USP5: variants seen among roughly 807,000 people sequenced by gnomAD.
USP5 encodes the protein ubiquitin carboxyl-terminal hydrolase 5.
Under a neutral mutation model 102.5 loss-of-function variants are expected in USP5, and 24 were observed. The ratio of observed to expected loss-of-function variants is 0.23; its 90% CI spans 0.17 to 0.33. The LOEUF (loss-of-function observed/expected upper bound fraction) is 0.33, where lower values mean the gene tolerates loss of function less well. Among genes scored for constraint, USP5 ranks in the 10% least tolerant of loss-of-function variants. The pLI is 1.00. For synonymous variants in USP5, 460 were observed against 434.8 expected (o/e 1.06, Z -0.72); for missense variants, 753 against 1,122.1 (o/e 0.67, Z 4.70).
At position 6,861,519 on chromosome 12, in the gene USP5, C is replaced by G. The variant is rs374114763; in HGVS notation, c.1575C>G (p.Ala525=). 1 of 1,601,870 alleles carries G rather than the reference C, an allele frequency of 6.2e-7. No individual in the cohort carries two copies. Among genetic ancestry groups the G allele is most frequent in the Non-Finnish European group, 8.5e-7 (1 of 1,170,134 alleles). Residue 525 remains alanine (A), a synonymous_variant, in exon 13 of 20, where the codon GCC becomes GCG. Transcript: ENST00000229268. This position sits in a 1 kb window ranked among gnomAD's most constrained non-coding sequence, Gnocchi z 4.9. ...TGGCACTGCCAGAACTGGTTCGGGCCCAGGTGCCCTTCAGCTCTTGCCTGG... is the reference window on the plus strand; with the variant it reads ...TGGCACTGCCAGAACTGGTTCGGGCGCAGGTGCCCTTCAGCTCTTGCCTGG... ...EKMALPELVR[A]QVPFSSCLEA...
Position 6,863,691 on chromosome 12 carries a change from G to T in USP5, c.1955-139G>T. ...CACATTACAATTGTGTGGTCATTTT[G>T]GTTTTGGGATAAGGTGCCAATCCAT... On this transcript the variant is annotated intron_variant, in intron 15 of 19. Coordinates refer to ENST00000229268, the MANE Select transcript of USP5 (RefSeq NM_001098536.2). This position sits in a 1 kb window ranked among gnomAD's most constrained non-coding sequence, Gnocchi z 4.7. 8.2e-7 allele frequency: 1 copy of T among 1,224,314 alleles called. No individual in the cohort carries two copies. Among genetic ancestry groups the T allele is most frequent in the Non-Finnish European group, 1.1e-6 (1 of 892,226 alleles). 75.8% of individuals were successfully genotyped at this position (1,224,314 alleles called of 1,614,324 possible).
Position 6,863,763 on chromosome 12 carries a change from G to T in USP5, c.1955-67G>T. ...GGTGATTGGAAGAGGGCTGGGTCCT[G>T]GGGGAGGGAGGAGGAGCAAACAGTG... On this transcript the variant is annotated intron_variant, in intron 15 of 19. Transcript: ENST00000229268. This position sits in a 1 kb window ranked among gnomAD's most constrained non-coding sequence, Gnocchi z 4.7. The T allele has an allele frequency of 6.6e-7, 1 of 1,505,564 alleles. No homozygotes were observed. The highest frequency in any genetic ancestry group is 1.3e-5 in the South Asian group (1 of 74,240). 93.3% of individuals were successfully genotyped at this position (1,505,564 alleles called of 1,614,324 possible).
intron 14 of USP5, 43 bp downstream of exon 14, chr12:6,862,601 A>G: frequency 6.3e-7 from 1 of 1,577,100 alleles, no homozygotes. Flanking sequence ...AAAATGCTAG[A>G]AAAAGAAGGG....
Position 6,856,325 on chromosome 12 carries a change from C to T in USP5, c.459C>T (p.Ala153=). 1.2e-6 allele frequency: 2 copies of T among 1,613,484 alleles called. No homozygotes were observed. The highest frequency in any genetic ancestry group is 4.5e-5 in the East Asian group (2 of 44,846). Residue 153 remains alanine (A), a synonymous_variant, in exon 5 of 20, where the codon GCC becomes GCT. Coordinates refer to ENST00000229268, the MANE Select transcript of USP5 (RefSeq NM_001098536.2). The surrounding 1 kb of genome is among the most constrained non-coding windows in gnomAD (Gnocchi z 5.6). The part of the protein sequence containing the change: ...VRDRVTSAVE[A]LLSADSASRK... Reference sequence around the variant, plus strand: ...CCCAGGTGACCAGTGCAGTGGAGGCCCTACTGTCGGCCGACTCAGCCTCCC... The same window carrying T: ...CCCAGGTGACCAGTGCAGTGGAGGCTCTACTGTCGGCCGACTCAGCCTCCC...
Position 6,855,344 on chromosome 12 carries a change from C to T in USP5, c.112-57C>T, listed in dbSNP as rs1944076795. 1 of 1,600,102 alleles carries T rather than the reference C, an allele frequency of 6.2e-7. No individual in the cohort carries two copies. The highest frequency in any genetic ancestry group is 1.3e-5 in the African/African-American group (1 of 74,396). On this transcript the variant is annotated intron_variant, in intron 1 of 19. Coordinates refer to ENST00000229268, the MANE Select transcript of USP5 (RefSeq NM_001098536.2). The surrounding 1 kb of genome is among the most constrained non-coding windows in gnomAD (Gnocchi z 4.6). ...TTCTGACTCCAGGTTTTGGTTTCCT[C>T]ACCTGACCAGGCTTCATAACATCCT...
chr12:6,864,102 C>T lies in USP5; in HGVS notation c.2151C>T (p.Ser717=), dbSNP rs782542904. The T allele has an allele frequency of 1.2e-5, 20 of 1,613,830 alleles. No homozygotes were observed. Among genetic ancestry groups the T allele is most frequent in the Admixed American group, 5.0e-5 (3 of 59,976 alleles). ...GCTCTAGTGGGCCGGGCTCCACAAGCGCAGCAGCCGACCCCCCTCCTGAGG... is the reference window on the plus strand; with the variant it reads ...GCTCTAGTGGGCCGGGCTCCACAAGTGCAGCAGCCGACCCCCCTCCTGAGG... The part of the protein sequence containing the change: ...LPGSSGPGST[S]AAADPPPEDC... Residue 717 remains serine (S), a synonymous_variant, in exon 17 of 20, where the codon AGC becomes AGT. Coordinates refer to ENST00000229268, the MANE Select transcript of USP5 (RefSeq NM_001098536.2). This position sits in a 1 kb window ranked among gnomAD's most constrained non-coding sequence, Gnocchi z 4.8.
At chr12:6,857,305 A>G (rs559042986) in intron 6 of USP5, 22 of 332,254 alleles carry the variant, frequency 6.6e-5, no homozygotes, top group Admixed American at 1.8e-4. Flanking sequence ...AAAGGAAAAT[A>G]CTGCAGATGA....
Position 6,858,666 on chromosome 12 carries a change from C to T in USP5, c.1058+49C>T. The T allele has an allele frequency of 1.3e-6, 2 of 1,523,140 alleles. No homozygotes were observed. Among genetic ancestry groups the T allele is most frequent in the Middle Eastern group, 4.5e-4 (2 of 4,472 alleles). 94.4% of individuals were successfully genotyped at this position (1,523,140 alleles called of 1,614,324 possible). On this transcript the variant is annotated intron_variant, in intron 8 of 19. Coordinates refer to ENST00000229268, the MANE Select transcript of USP5 (RefSeq NM_001098536.2). The surrounding 1 kb of genome is among the most constrained non-coding windows in gnomAD (Gnocchi z 4.2). ...CAGGCCCCCTCCTGGTCAGCACCCT[C>T]TGGGCATACTCCTCCTTCAGCTTCC...
In USP5 at chr12:6,856,166, A is replaced by G. The variant is rs782184869; in HGVS notation, c.438+16A>G. 7.4e-6 allele frequency: 12 copies of G among 1,613,868 alleles called. No individual in the cohort carries two copies. The highest frequency in any genetic ancestry group is 4.5e-5 in the East Asian group (2 of 44,866). On this transcript the variant is annotated intron_variant, in intron 4 of 19. Transcript: ENST00000229268. This position sits in a 1 kb window ranked among gnomAD's most constrained non-coding sequence, Gnocchi z 5.6. Reference sequence around the variant, plus strand: ...CAGAGATCGGGTATGACTGCCCCCTATGCTACCCAAGATTCTAGAGCAAGA... The same window carrying G: ...CAGAGATCGGGTATGACTGCCCCCTGTGCTACCCAAGATTCTAGAGCAAGA...
At position 6,860,370 on chromosome 12, in the gene USP5, T is replaced by C. The variant is rs781886474; in HGVS notation, c.1223T>C (p.Val408Ala). 2.5e-6 allele frequency: 4 copies of C among 1,614,118 alleles called. No individual in the cohort carries two copies. Among genetic ancestry groups the C allele is most frequent in the South Asian group, 1.1e-5 (1 of 91,084 alleles). ...DGERVPEQKE[V>A]QDGIAPRMFK... is the part of the protein sequence containing the mutation. ...CCCTGCCCTGACTCTTCCCAGGAAG[T>C]TCAAGATGGCATTGCCCCTCGGATG... Residue 408 changes from valine (V) to alanine (A), a missense_variant, in exon 11 of 20, where the codon GTT (valine) becomes GCT (alanine). Val to Ala is a moderately conservative substitution (Grantham distance 64, BLOSUM62 0). This residue lies in a region of USP5 where 527 missense variants were observed against 816.5 expected (regional missense o/e 0.65). Coordinates refer to ENST00000229268, the MANE Select transcript of USP5 (RefSeq NM_001098536.2). This position sits in a 1 kb window ranked among gnomAD's most constrained non-coding sequence, Gnocchi z 5.5.
Position 6,863,856 on chromosome 12 carries a change from A to G in USP5, c.1981A>G (p.Ile661Val). Reference protein sequence around the residue: ...TSPMLDESVIIQLVEMGFPMD... With the variant: ...TSPMLDESVIVQLVEMGFPMD... Reference sequence around the variant, plus strand: ...GCCCATGCTGGATGAATCAGTCATCATCCAGCTGGTGGAGATGGGATTCCC... The same window carrying G: ...GCCCATGCTGGATGAATCAGTCATCGTCCAGCTGGTGGAGATGGGATTCCC... The change falls in exon 16 of 20, where the codon ATC (isoleucine) becomes GTC (valine). Residue 661 changes from isoleucine (I) to valine (V), a missense_variant. By Grantham distance (29) the Ile-to-Val change is conservative. Around this residue, in one of 3 missense-constraint regions of USP5, gnomAD observed 193 missense variants for 230.2 expected, o/e 0.84. Coordinates refer to ENST00000229268, the MANE Select transcript of USP5 (RefSeq NM_001098536.2). The surrounding 1 kb of genome is among the most constrained non-coding windows in gnomAD (Gnocchi z 4.7). 4 of 1,607,166 alleles carry G rather than the reference A, an allele frequency of 2.5e-6. No individual in the cohort carries two copies. Among genetic ancestry groups the G allele is most frequent in the Non-Finnish European group, 3.4e-6 (4 of 1,175,808 alleles).
intron 6 of USP5, among the ~76,000 whole-genome samples, chr12:6,857,099 A>G (rs1944139022): frequency 6.6e-6 from 1 of 152,138 alleles, no homozygotes; most frequent in South Asian, 2.1e-4. Flanking sequence ...CAGCCTGGGC[A>G]ACATAGTGAG....
In USP5 at chr12:6,856,668, C is replaced by G. The variant is rs782259794; in HGVS notation, c.585-39C>G. On this transcript the variant is annotated intron_variant, in intron 5 of 19. Coordinates refer to ENST00000229268, the MANE Select transcript of USP5 (RefSeq NM_001098536.2). The surrounding 1 kb of genome is among the most constrained non-coding windows in gnomAD (Gnocchi z 5.6). Reference sequence around the variant, plus strand: ...TCTCTCTGCCACTCCCTCAAATCCCCGACCCACATTTCTGCTGATTCTCTT... The same window carrying G: ...TCTCTCTGCCACTCCCTCAAATCCCGGACCCACATTTCTGCTGATTCTCTT... The G allele has an allele frequency of 1.2e-5, 19 of 1,608,492 alleles. No homozygotes were observed. The South Asian group carries it at 1.5e-4, about 13-fold the overall frequency.
Position 6,864,837 on chromosome 12 carries a change from CTG to C in USP5, c.2363_2364del (p.Val788AlafsTer5). On this transcript the variant is annotated frameshift_variant, in exon 18 of 20. Transcript: ENST00000229268. LOFTEE classifies it high-confidence loss of function. This position sits in a 1 kb window ranked among gnomAD's most constrained non-coding sequence, Gnocchi z 4.8. ...TCAGCTGCCGACTCCATCTCTGAGT[CTG>C]TGCCAGTGGGACCTAAAGTCCGGGA... is the stretch of plus-strand genomic sequence containing the variant. 6.2e-7 allele frequency: 1 copy of C among 1,613,994 alleles called. No homozygotes were observed. The highest frequency in any genetic ancestry group is 8.5e-7 in the Non-Finnish European group (1 of 1,180,042).
rs1222934338 is a variant in USP5, at chr12:6,859,270, C to G, written c.1059-200C>G. ...TCCCCCTCCCCGGCTCCTCTGCCGC[C>G]GAGCGTGCTTGCACATTGGACATAG... On this transcript the variant is annotated intron_variant, in intron 8 of 19. Transcript: ENST00000229268. Among the ~76,000 whole-genome samples, 3 of 152,284 alleles carry G rather than the reference C, an allele frequency of 2.0e-5. No individual in the cohort carries two copies. In the East Asian group the frequency reaches 5.8e-4, roughly 29 times the overall value.
At position 6,863,475 on chromosome 12, in the gene USP5, C is replaced by T; in HGVS notation, c.1954+98C>T. The T allele has an allele frequency of 1.4e-6, 2 of 1,414,718 alleles. No individual in the cohort carries two copies. Among genetic ancestry groups the T allele is most frequent in the Non-Finnish European group, 1.9e-6 (2 of 1,034,352 alleles). 87.6% of individuals were successfully genotyped at this position (1,414,718 alleles called of 1,614,324 possible). A position where few individuals can be genotyped will look rare whatever the true frequency, so the allele number is the denominator to read the frequency against. On this transcript the variant is annotated intron_variant, in intron 15 of 19. Transcript: ENST00000229268. This position sits in a 1 kb window ranked among gnomAD's most constrained non-coding sequence, Gnocchi z 4.7. ...CTGTCCTTTGTGTTTCTCCTGTCCT[C>T]CCTTTCAAATTTCCTCTGCCCTCTT... is the stretch of plus-strand genomic sequence containing the variant.
chr12:6,853,432 G>T (rs185487543), intron 1 of USP5, among the ~76,000 whole-genome samples: 1 of 152,332 alleles, frequency 6.6e-6, no homozygotes, highest in East Asian at 1.9e-4. Flanking sequence ...TCTGGCTTTG[G>T]CAGAGGTAAA....
rs782636190 is a variant in USP5 at position 6,855,977 on chromosome 12, G to A, written c.305-40G>A. 30 of 1,612,958 alleles carry A rather than the reference G, an allele frequency of 1.9e-5. No homozygotes were observed. In the Middle Eastern group the frequency reaches 6.6e-4, roughly 35 times the overall value. On this transcript the variant is annotated intron_variant, in intron 3 of 19. Transcript: ENST00000229268. The surrounding 1 kb of genome is among the most constrained non-coding windows in gnomAD (Gnocchi z 4.6). ...CTCGGAGGAGGGACATTGACCTGTTGTCATTGCTCTACTCTCCCTCTTCTT... is the reference window on the plus strand; with the variant it reads ...CTCGGAGGAGGGACATTGACCTGTTATCATTGCTCTACTCTCCCTCTTCTT...
At position 6,855,878 on chromosome 12, in the gene USP5, A is replaced by T. The variant is rs1591605216; in HGVS notation, c.304+57A>T. 1.2e-6 allele frequency: 2 copies of T among 1,612,286 alleles called. No homozygotes were observed. Among genetic ancestry groups the T allele is most frequent in the South Asian group, 2.2e-5 (2 of 90,964 alleles). ...TGAGCTGGTCTTTCTGGCTCTCAGC[A>T]GCACCAGGAAAGCCCCAAAGAGTGG... On this transcript the variant is annotated intron_variant, in intron 3 of 19. Coordinates refer to ENST00000229268, the MANE Select transcript of USP5 (RefSeq NM_001098536.2). The surrounding 1 kb of genome is among the most constrained non-coding windows in gnomAD (Gnocchi z 4.6).
Sources: allele counts gnomAD v4.1 joint callset (sites outside exome capture counted in the v4.1 genomes callset), GRCh38; gene constraint gnomAD v4.1.1; regional missense constraint gnomAD v4.1.1; non-coding constraint Gnocchi (gnomAD v3.1); transcripts MANE v1.5; gene names NCBI Gene and HGNC (gene_info 2026-07-23, HGNC 2026-07-21).